FGF14: variants seen among roughly 807,000 people sequenced by gnomAD.
The protein encoded by FGF14 is fibroblast growth factor 14.
Under a neutral mutation model 25.5 loss-of-function variants are expected in FGF14, and 5 were observed. That is an observed-to-expected ratio of 0.20 (90% CI 0.10 to 0.41). The LOEUF (loss-of-function observed/expected upper bound fraction) is 0.41. FGF14 is among the 10% of genes least tolerant of loss of function. The pLI is 1.00. For missense variants in FGF14, 222 were observed against 320.1 expected (o/e 0.69, Z 2.34); for synonymous variants, 138 against 118.3 (o/e 1.17, Z -1.08).
chr13:101,903,541 C>CTT (rs570272743), intron 1 of FGF14, among the ~76,000 whole-genome samples: 11 of 151,092 alleles, frequency 7.3e-5, no homozygotes, highest in African/African-American at 2.7e-4. Context: ...CTTGGGTAGG[C>CTT]TTTTTTTTTC....
At chr13:101,732,559 C>T (rs1377658763) in intron 3 of FGF14, among the ~76,000 whole-genome samples, 1 of 152,178 alleles carries the variant, frequency 6.6e-6, no homozygotes, top group African/African-American at 2.4e-5. Context: ...AGGAGTATCT[C>T]TCCTCAGAGG....
intron 1 of FGF14, among the ~76,000 whole-genome samples, chr13:102,390,905 T>A (rs1477323027): frequency 6.6e-6 from 1 of 152,200 alleles, no homozygotes; most frequent in East Asian, 1.9e-4. Context: ...TATAATCAAA[T>A]AATGCAGTAG....
chr13:101,886,398 T>C (rs1467171563), intron 1 of FGF14, among the ~76,000 whole-genome samples: 1 of 152,118 alleles, frequency 6.6e-6, no homozygotes, highest in Non-Finnish European at 1.5e-5. Flanking sequence ...CACATTTTTG[T>C]TCACAAACTC....
At chr13:101,896,892 T>G (rs1182744905) in intron 1 of FGF14, among the ~76,000 whole-genome samples, 1 of 152,164 alleles carries the variant, frequency 6.6e-6, no homozygotes, top group Admixed American at 6.5e-5. Flanking sequence ...TGGGGTAACT[T>G]TATCTATAAA....
At chr13:101,731,765 G>C (rs1431469665) in intron 3 of FGF14, among the ~76,000 whole-genome samples, 1 of 152,178 alleles carries the variant, frequency 6.6e-6, no homozygotes, top group East Asian at 1.9e-4. Flanking sequence ...CAGTGGTCCA[G>C]CAAACTGACT....
chr13:101,845,738 C>G (rs2043422929), intron 3 of FGF14, among the ~76,000 whole-genome samples: 1 of 151,926 alleles, frequency 6.6e-6, no homozygotes, highest in South Asian at 2.1e-4. Context: ...AGGAGTGTTT[C>G]AAGAACAGGA....
At chr13:102,051,061 G>A (rs982952313) in intron 1 of FGF14, among the ~76,000 whole-genome samples, 2 of 152,182 alleles carry the variant, frequency 1.3e-5, no homozygotes, top group Admixed American at 1.3e-4. Flanking sequence ...CAGAGCTGTG[G>A]TCAATATGCA....
intron 3 of FGF14, among the ~76,000 whole-genome samples, chr13:101,816,110 A>T (rs972996501): frequency 6.6e-6 from 1 of 151,246 alleles, no homozygotes; most frequent in South Asian, 2.1e-4. Flanking sequence ...TTCTACTAAA[A>T]ATACAAAAAA....
At chr13:101,829,638 A>G (rs1445234885) in intron 3 of FGF14, among the ~76,000 whole-genome samples, 1 of 152,072 alleles carries the variant, frequency 6.6e-6, no homozygotes, top group Non-Finnish European at 1.5e-5. Context: ...CATTAGGAAA[A>G]CTGATGACCC....
Position 102,310,645 on chromosome 13 carries a change from T to C in FGF14, c.208+90826A>G, listed in dbSNP as rs375006242. Reference sequence around the variant, plus strand: ...CCTTCTTTCCTTTCTGTCTCTCTCTTCCCGTTTCTCTCTCTCTCTCTCTCT... The same window carrying C: ...CCTTCTTTCCTTTCTGTCTCTCTCTCCCCGTTTCTCTCTCTCTCTCTCTCT... On this transcript the variant is annotated intron_variant, in intron 1 of 4. Coordinates refer to the FGF14 transcript ENST00000376131. Among the ~76,000 whole-genome samples, 217 of 128,160 alleles carry C rather than the reference T, an allele frequency of 1.7e-3. 3 individuals carry two copies. The highest frequency in any genetic ancestry group is 5.8e-3 in the African/African-American group (200 of 34,260). The allele number at this position is 128,160 out of a possible 152,430, so 84.1% of individuals were successfully genotyped here. A position where few individuals can be genotyped will look rare whatever the true frequency, so the allele number is the denominator to read the frequency against.
At position 101,714,591 on chromosome 13, in the gene FGF14, T is replaced by G; in HGVS notation, c.*8240A>C. ...TTTTCTAATTGCTCTATGCCACAGT[T>G]TGTTATAGAGCCAAGAGACACTCGT... On this transcript the variant is annotated 3_prime_UTR_variant, in exon 5 of 5. Transcript: ENST00000376143. The G allele has an allele frequency of 2.5e-6, 3 of 1,189,510 alleles. No homozygotes were observed. Among genetic ancestry groups the G allele is most frequent in the Non-Finnish European group, 3.8e-6 (3 of 793,302 alleles). The allele number at this position is 1,189,510 out of a possible 1,614,324, so 73.7% of individuals were successfully genotyped here.
intron 3 of FGF14, among the ~76,000 whole-genome samples, chr13:101,804,739 T>C (rs773462773): frequency 2.6e-5 from 4 of 152,132 alleles, no homozygotes; most frequent in Admixed American, 1.3e-4. Context: ...ATATACTAGC[T>C]CTTACAAAAA....
At chr13:102,118,510 T>C (rs2045574844) in intron 1 of FGF14, among the ~76,000 whole-genome samples, 1 of 152,242 alleles carries the variant, frequency 6.6e-6, no homozygotes, top group South Asian at 2.1e-4. Flanking sequence ...TGGTGGTCCA[T>C]CTATGTTAGA....
rs16960080 is a variant in FGF14, at chr13:102,353,053, C to T, written c.208+48418G>A. On this transcript the variant is annotated intron_variant, in intron 1 of 4. Transcript: ENST00000376131. ...GGATATAGTTTAAATTCCAAAATGC[C>T]TTGTCTATAATAATTGGAGTCCAGT... Among the ~76,000 whole-genome samples the T allele has an allele frequency of 5.5e-3, 837 of 152,092 alleles. 11 individuals carry two copies. Among genetic ancestry groups the T allele is most frequent in the African/African-American group, 0.019 (798 of 41,472 alleles).
At chr13:102,014,643 A>T (rs575122496) in intron 1 of FGF14, among the ~76,000 whole-genome samples, 122 of 152,306 alleles carry the variant, frequency 8.0e-4, no homozygotes, top group African/African-American at 2.7e-3. Flanking sequence ...TTAAAAAGAC[A>T]TATAATGGCT....
intron 1 of FGF14, among the ~76,000 whole-genome samples, chr13:101,955,949 G>A (rs1055919342): frequency 2.0e-5 from 3 of 152,160 alleles, no homozygotes; most frequent in Admixed American, 2.0e-4. Context: ...CAAAGCAGAG[G>A]GGCAAGAAAC....
intron 1 of FGF14, among the ~76,000 whole-genome samples, chr13:101,934,169 G>A (rs2034950585): frequency 6.6e-6 from 1 of 152,224 alleles, no homozygotes; most frequent in African/African-American, 2.4e-5. Flanking sequence ...GCAAGATGCA[G>A]CGGCAGGTGA....
chr13:102,386,033 G>A (rs1038203409), intron 1 of FGF14, among the ~76,000 whole-genome samples: 3 of 151,884 alleles, frequency 2.0e-5, no homozygotes, highest in African/African-American at 4.8e-5. Flanking sequence ...ACTTACACTG[G>A]CATATTTATT....
intron 1 of FGF14, among the ~76,000 whole-genome samples, chr13:102,377,845 C>T (rs1362943428): frequency 6.6e-6 from 1 of 152,128 alleles, no homozygotes; most frequent in Non-Finnish European, 1.5e-5. Flanking sequence ...GATAACTTGA[C>T]AATTTTCTTT....
Sources: allele counts gnomAD v4.1 joint callset (sites outside exome capture counted in the v4.1 genomes callset), GRCh38; gene constraint gnomAD v4.1.1; transcripts MANE v1.5; gene names NCBI Gene and HGNC (gene_info 2026-07-23, HGNC 2026-07-21).